DENND10: variants seen among roughly 807,000 people sequenced by gnomAD.
DENND10 encodes DENN domain containing 10.
A neutral mutation model predicts 43.6 loss-of-function variants in DENND10; 24 were observed. That is an observed-to-expected ratio of 0.55 (90% CI 0.40 to 0.77). DENND10 has a LOEUF of 0.77. Among genes scored for constraint, DENND10 ranks in the 30% least tolerant of loss-of-function variants. The pLI is 0.00. For synonymous variants in DENND10, 125 were observed against 157.6 expected (o/e 0.79, Z 1.55); for missense variants, 303 against 429.9 (o/e 0.70, Z 2.61).
intron 8 of DENND10, among the ~76,000 whole-genome samples, chr10:119,135,815 A>AAAAAAAAAAAAAC (rs1564804559): frequency 2.9e-5 from 4 of 137,924 alleles, no homozygotes; most frequent in Non-Finnish European, 6.5e-5. Flanking sequence ...AAAAAAAAAA[A>AAAAAAAAAAAAAC]ACCAAAACCA....
At chr10:119,117,778 T>C in intron 4 of DENND10, 111 bp downstream of exon 4, 2 of 1,052,158 alleles carry the variant, frequency 1.9e-6, no homozygotes, top group Non-Finnish European at 2.7e-6. Context: ...CCATCCTGGT[T>C]AACATGGTGA....
chr10:119,123,875 A>AT (rs75237743), intron 6 of DENND10, among the ~76,000 whole-genome samples: 46,256 of 142,404 alleles, frequency 0.32, 8,228 homozygotes, highest in Non-Finnish European at 0.42. Flanking sequence ...TTGCCCTTAA[A>AT]TTTTTTTTTT....
At chr10:119,125,085 C>A (rs1274588514) in intron 6 of DENND10, among the ~76,000 whole-genome samples, 1 of 151,990 alleles carries the variant, frequency 6.6e-6, no homozygotes, top group Non-Finnish European at 1.5e-5. Flanking sequence ...AATTCTCCTG[C>A]CTTAGCCTCC....
At chr10:119,131,506 G>A (rs958041912) in intron 7 of DENND10, among the ~76,000 whole-genome samples, 2 of 152,130 alleles carry the variant, frequency 1.3e-5, no homozygotes, top group Non-Finnish European at 2.9e-5. Flanking sequence ...GCTACATAAA[G>A]TAGAAAAGAT....
intron 3 of DENND10, 91 bp from the exon 4 acceptor site, chr10:119,117,428 C>T: frequency 7.2e-7 from 1 of 1,382,968 alleles, no homozygotes; most frequent in Non-Finnish European, 9.9e-7. Flanking sequence ...GCCTCGGATT[C>T]TTGAGAAGGC....
intron 3 of DENND10, among the ~76,000 whole-genome samples, chr10:119,113,643 T>C (rs1845090859): frequency 6.6e-6 from 1 of 151,686 alleles, no homozygotes; most frequent in Non-Finnish European, 1.5e-5. Flanking sequence ...AATGGTAGGC[T>C]TTTGGCTATT....
chr10:119,104,341 G>A, intron 1 of DENND10, 144 bp downstream of exon 1: 3 of 709,898 alleles, frequency 4.2e-6, no homozygotes, highest in South Asian at 2.6e-5. Context: ...GGCCTGGACT[G>A]GGGACTGCGG....
At position 119,124,622 on chromosome 10, in the gene DENND10, G is replaced by A. The variant is rs562530561; in HGVS notation, c.694+1053G>A. 1.3e-4 allele frequency among the ~76,000 whole-genome samples: 20 copies of A among 152,114 alleles called. No homozygotes were observed. The South Asian group carries it at 2.5e-3, about 19-fold the overall frequency. ...TGGTCTTGAACTCCCGAACTCAAGC[G>A]ATCTGCCCATCTTGGCCTCCCACAC... is the stretch of plus-strand genomic sequence containing the variant. On this transcript the variant is annotated intron_variant, in intron 6 of 8. Coordinates refer to ENST00000361432, the MANE Select transcript of DENND10 (RefSeq NM_207009.4).
chr10:119,109,476 G>C lies in DENND10; in HGVS notation c.252+1312G>C, dbSNP rs565157363. On this transcript the variant is annotated intron_variant, in intron 2 of 8. Coordinates refer to ENST00000361432, the MANE Select transcript of DENND10 (RefSeq NM_207009.4). Reference sequence around the variant, plus strand: ...TTTTAGGGCTAATTTATAGCCAATAGTGCGACTATGTGAAGCATGACTAGA... The same window carrying C: ...TTTTAGGGCTAATTTATAGCCAATACTGCGACTATGTGAAGCATGACTAGA... Among the ~76,000 whole-genome samples, 227 of 152,240 alleles carry C rather than the reference G, an allele frequency of 1.5e-3. 2 individuals are homozygous for C. The highest frequency in any genetic ancestry group is 5.3e-3 in the African/African-American group (221 of 41,540).
chr10:119,129,126 G>T (rs1243813573), intron 6 of DENND10, among the ~76,000 whole-genome samples: 2 of 152,060 alleles, frequency 1.3e-5, no homozygotes, highest in African/African-American at 4.8e-5. Flanking sequence ...CCTTAAAGAT[G>T]ATGCCATTTC....
intron 7 of DENND10, among the ~76,000 whole-genome samples, chr10:119,129,861 C>T (rs560464139): frequency 9.2e-5 from 14 of 152,330 alleles, no homozygotes; most frequent in South Asian, 2.1e-4. Flanking sequence ...TCTTGTTTCA[C>T]TACTTTTGTG....
rs571839475 is a variant in DENND10, at chr10:119,137,156, C to T, written c.*509C>T. The T allele has an allele frequency of 3.5e-5, 5 of 143,512 alleles. No homozygotes were observed. In the South Asian group the frequency reaches 1.3e-3, roughly 36 times the overall value. 8.9% of individuals were successfully genotyped at this position (143,512 alleles called of 1,614,324 possible). A position where few individuals can be genotyped will look rare whatever the true frequency, so the allele number is the denominator to read the frequency against. ...GATCATTCAAGAGACCCTGCAGTTGCACTTTCTCGTAAAAGTTAAAAAAAA... is the reference window on the plus strand; with the variant it reads ...GATCATTCAAGAGACCCTGCAGTTGTACTTTCTCGTAAAAGTTAAAAAAAA... On this transcript the variant is annotated 3_prime_UTR_variant, in exon 9 of 9. Transcript: ENST00000361432.
At chr10:119,112,455 A>G (rs140641215) in intron 3 of DENND10, among the ~76,000 whole-genome samples, 1 of 150,424 alleles carries the variant, frequency 6.6e-6, no homozygotes, top group African/African-American at 2.4e-5. Flanking sequence ...TATCTAAAAT[A>G]TACCAGTCTA....
chr10:119,122,849 G>A (rs1334072832), intron 5 of DENND10, among the ~76,000 whole-genome samples: 1 of 123,900 alleles, frequency 8.1e-6, no homozygotes, highest in African/African-American at 2.9e-5. Context: ...TTCCATGGCA[G>A]TCTCCAGAGT....
At chr10:119,126,941 C>T (rs1589740820) in intron 6 of DENND10, among the ~76,000 whole-genome samples, 1 of 150,540 alleles carries the variant, frequency 6.6e-6, no homozygotes, top group South Asian at 2.1e-4. Context: ...CTCTGTCGCC[C>T]AGGCTGGAGT....
chr10:119,129,746 G>A (rs1020613191), intron 7 of DENND10, 124 bp downstream of exon 7: 17 of 679,976 alleles, frequency 2.5e-5, no homozygotes, highest in Non-Finnish European at 4.0e-5. Context: ...GGATATTTCC[G>A]TGTCTAGAAC....
At chr10:119,110,601 C>T (rs1174972175) in intron 2 of DENND10, among the ~76,000 whole-genome samples, 5 of 152,048 alleles carry the variant, frequency 3.3e-5, no homozygotes, top group South Asian at 2.1e-4. Context: ...GGATTATAGG[C>T]ACCTGCCACC....
At position 119,128,880 on chromosome 10, in the gene DENND10, G is replaced by A. The variant is rs541787426; in HGVS notation, c.695-635G>A. On this transcript the variant is annotated intron_variant, in intron 6 of 8. Coordinates refer to ENST00000361432, the MANE Select transcript of DENND10 (RefSeq NM_207009.4). Reference sequence around the variant, plus strand: ...CACACTAAGAGGATGGTGCTAAACCGCTCATAAGAAATCACCCCCATGATC... The same window carrying A: ...CACACTAAGAGGATGGTGCTAAACCACTCATAAGAAATCACCCCCATGATC... Among the ~76,000 whole-genome samples the A allele has an allele frequency of 2.1e-3, 313 of 152,132 alleles. 1 individual carries two copies. Among genetic ancestry groups the A allele is most frequent in the African/African-American group, 7.2e-3 (297 of 41,512 alleles).
chr10:119,115,172 T>G (rs575868014), intron 3 of DENND10, among the ~76,000 whole-genome samples: 6 of 152,082 alleles, frequency 3.9e-5, no homozygotes, highest in East Asian at 1.9e-4. Flanking sequence ...AGCTGCCGCC[T>G]CCTCCTGTTC....
Sources: gnomAD v4.1 joint callset for allele counts (sites outside exome capture counted in the v4.1 genomes callset) on GRCh38, gnomAD v4.1.1 for gene constraint, MANE v1.5 for transcripts, NCBI Gene and HGNC (gene_info 2026-07-23, HGNC 2026-07-21) for gene names.